Variants in IQGAP2 observed in about 807,000 individuals in gnomAD.
IQGAP2 encodes ras GTPase-activating-like protein IQGAP2.
In IQGAP2, 173 loss-of-function variants were observed where a neutral mutation model predicts 201.3. The observed-to-expected ratio is 0.86, with a 90% CI of 0.76 to 0.98. IQGAP2 has a LOEUF of 0.98. Among genes scored for constraint, IQGAP2 ranks in the 50% least tolerant of loss-of-function variants. The pLI, the probability that IQGAP2 is intolerant of heterozygous loss-of-function variation, is 0.00. For missense variants in IQGAP2, 1,687 were observed against 1,864.8 expected (o/e 0.90, Z 1.76); for synonymous variants, 675 against 673.9 (o/e 1.00, Z -0.03).
chr5:76,432,953 A>G (rs1206847391), intron 1 of IQGAP2, among the ~76,000 whole-genome samples: 1 of 152,076 alleles, frequency 6.6e-6, no homozygotes, highest in East Asian at 1.9e-4. Context: ...CAGCTTCCTC[A>G]CATTTGTAAA....
At chr5:76,617,998 G>A in intron 13 of IQGAP2, 1 of 1,614,162 alleles carries the variant, frequency 6.2e-7, no homozygotes, top group Non-Finnish European at 8.5e-7. Flanking sequence ...GGCTGAACAA[G>A]ATAATATTCC....
intron 1 of IQGAP2, among the ~76,000 whole-genome samples, chr5:76,452,093 C>G (rs570976143): frequency 6.7e-6 from 1 of 149,558 alleles, no homozygotes; most frequent in African/African-American, 2.5e-5. Context: ...TAAAGTAATA[C>G]AGGTAAATGG....
At chr5:76,628,912 T>C (rs1176179644) in intron 14 of IQGAP2, among the ~76,000 whole-genome samples, 1 of 152,236 alleles carries the variant, frequency 6.6e-6, no homozygotes, top group Non-Finnish European at 1.5e-5. Flanking sequence ...AGAGACAGTT[T>C]TGAGAAAGTA....
intron 4 of IQGAP2, among the ~76,000 whole-genome samples, 156 bp downstream of exon 4, chr5:76,570,813 T>C (rs1180076704): frequency 6.6e-6 from 1 of 152,180 alleles, no homozygotes; most frequent in African/African-American, 2.4e-5. Context: ...CAAAGTAACA[T>C]ATGGCAAGAA....
chr5:76,688,989 G>A (rs1217316129), intron 30 of IQGAP2, among the ~76,000 whole-genome samples: 1 of 151,798 alleles, frequency 6.6e-6, no homozygotes, highest in African/African-American at 2.4e-5. Flanking sequence ...ACTTGTCGAG[G>A]GCAAGGTCAT....
At chr5:76,481,389 T>G (rs1042865544) in intron 2 of IQGAP2, among the ~76,000 whole-genome samples, 7 of 152,058 alleles carry the variant, frequency 4.6e-5, no homozygotes, top group Admixed American at 4.6e-4. Context: ...AAAAAAAGTT[T>G]TTTTTTTTTT....
chr5:76,534,255 G>C (rs561851381), intron 2 of IQGAP2, among the ~76,000 whole-genome samples: 1 of 152,342 alleles, frequency 6.6e-6, no homozygotes, highest in South Asian at 2.1e-4. Context: ...GGCTAAAGTG[G>C]CTGGAGTGGG....
At chr5:76,706,023 C>T (rs757226360) in intron 35 of IQGAP2, among the ~76,000 whole-genome samples, 1 of 152,180 alleles carries the variant, frequency 6.6e-6, no homozygotes, top group Non-Finnish European at 1.5e-5. Context: ...AGAATGAGGG[C>T]TTGTTCTCAG....
At chr5:76,497,867 G>A (rs1390311856) in intron 2 of IQGAP2, among the ~76,000 whole-genome samples, 1 of 152,144 alleles carries the variant, frequency 6.6e-6, no homozygotes, top group African/African-American at 2.4e-5. Flanking sequence ...AAGAATATTT[G>A]GAACCTTTTT....
At chr5:76,558,159 G>T (rs1273779051) in intron 2 of IQGAP2, among the ~76,000 whole-genome samples, 1 of 152,134 alleles carries the variant, frequency 6.6e-6, no homozygotes, top group African/African-American at 2.4e-5. Flanking sequence ...ACAAAAATGT[G>T]ATTACCTCTT....
intron 2 of IQGAP2, among the ~76,000 whole-genome samples, chr5:76,491,717 A>G (rs939742225): frequency 2.0e-5 from 3 of 152,056 alleles, no homozygotes; most frequent in Non-Finnish European, 4.4e-5. Flanking sequence ...TTGGTTGTTC[A>G]GTCCTCTTTT....
intron 2 of IQGAP2, among the ~76,000 whole-genome samples, chr5:76,547,794 G>T (rs1254412512): frequency 1.3e-5 from 2 of 152,208 alleles, no homozygotes; most frequent in Non-Finnish European, 2.9e-5. Flanking sequence ...AGTCTCCCCT[G>T]TAGCAAGTTC....
Position 76,403,494 on chromosome 5 carries a change from C to T in IQGAP2, c.-52C>T, listed in dbSNP as rs1053892644. On this transcript the variant is annotated 5_prime_UTR_variant, in exon 1 of 36. Transcript: ENST00000274364. The surrounding 1 kb of genome is among the most constrained non-coding windows in gnomAD (Gnocchi z 4.8). The stretch of plus-strand genomic sequence containing the variant: ...GCGCAGAGCCCGCGAGCCTGGCCAG[C>T]GAGGGTAGCCGCGGGGGGCGCGCCC... 9.4e-6 allele frequency: 13 copies of T among 1,388,080 alleles called. No homozygotes were observed. The highest frequency in any genetic ancestry group is 1.2e-5 in the Non-Finnish European group (13 of 1,070,344). The allele number at this position is 1,388,080 out of a possible 1,614,324, so 86.0% of individuals were successfully genotyped here.
intron 3 of IQGAP2, among the ~76,000 whole-genome samples, chr5:76,564,727 G>A (rs377229392): frequency 5.3e-5 from 8 of 152,216 alleles, no homozygotes; most frequent in East Asian, 3.8e-4. Context: ...CTTGCGGGGC[G>A]TAGGCAGGTG....
intron 2 of IQGAP2, among the ~76,000 whole-genome samples, chr5:76,557,984 T>C (rs187768835): frequency 1.1e-3 from 170 of 152,170 alleles, no homozygotes; most frequent in African/African-American, 4.0e-3. Context: ...TTTTTGTCTT[T>C]AGTAGAGATG....
chr5:76,418,593 CGAAAA>C (rs771752868), intron 1 of IQGAP2, among the ~76,000 whole-genome samples: 1 of 146,258 alleles, frequency 6.8e-6, no homozygotes, highest in Admixed American at 6.8e-5. Context: ...GACTCCATCT[CGAAAA>C]AAAAAAAAAA....
At chr5:76,523,076 C>CTTTTT (rs35277348) in intron 2 of IQGAP2, among the ~76,000 whole-genome samples, 10 of 78,356 alleles carry the variant, frequency 1.3e-4, no homozygotes, top group South Asian at 5.9e-4. Flanking sequence ...TTTCTTTTGC[C>CTTTTT]TTTTTTTTTT....
At chr5:76,684,021 C>A in intron 30 of IQGAP2, 104 bp downstream of exon 30, 1 of 1,031,304 alleles carries the variant, frequency 9.7e-7, no homozygotes, top group Non-Finnish European at 1.4e-6. Context: ...AGTATGTGAA[C>A]ATTGAAATCT....
intron 2 of IQGAP2, among the ~76,000 whole-genome samples, chr5:76,506,387 C>T (rs1371274635): frequency 6.6e-6 from 1 of 152,176 alleles, no homozygotes; most frequent in Non-Finnish European, 1.5e-5. Context: ...TTCCTAAGTA[C>T]TACTATCTTT....
Sources: allele counts gnomAD v4.1 joint callset (sites outside exome capture counted in the v4.1 genomes callset), GRCh38; gene constraint gnomAD v4.1.1; non-coding constraint Gnocchi (gnomAD v3.1); transcripts MANE v1.5; gene names NCBI Gene and HGNC (gene_info 2026-07-23, HGNC 2026-07-21).